SLC9A3: variants seen among roughly 807,000 people sequenced by gnomAD.
The protein encoded by SLC9A3 is solute carrier family 9 member A3, also known as sodium/hydrogen exchanger 3.
SLC9A3 carries 37 observed loss-of-function variants against 86.8 expected under a neutral mutation model. The observed-to-expected ratio is 0.43, with a 90% confidence interval of 0.33 to 0.56. The LOEUF (loss-of-function observed/expected upper bound fraction) is 0.56. SLC9A3 is among the 20% of genes least tolerant of loss of function. The pLI, the probability that SLC9A3 is intolerant of heterozygous loss-of-function variation, is 0.06. For missense variants in SLC9A3, 1,011 were observed against 1,171.9 expected (o/e 0.86, Z 2.00); for synonymous variants, 581 against 528.3 (o/e 1.10, Z -1.37).
Position 490,824 on chromosome 5 carries a change from C to G in SLC9A3, c.514+945G>C, listed in dbSNP as rs922676212. Among the ~76,000 whole-genome samples, 7 of 152,300 alleles carry G rather than the reference C, an allele frequency of 4.6e-5. No homozygotes were observed. The East Asian group carries it at 1.3e-3, about 29-fold the overall frequency. ...CCATCCATGAGCCTGTCTGTGCCCT[C>G]GGCAGCTTTCCCTGGGCTGCACCTG... is the stretch of plus-strand genomic sequence containing the variant. On this transcript the variant is annotated intron_variant, in intron 2 of 16. Transcript: ENST00000264938.
chr5:488,255 T>TGA, intron 3 of SLC9A3, 61 bp downstream of exon 3: 1 of 1,572,504 alleles, frequency 6.4e-7, no homozygotes, highest in Non-Finnish European at 8.7e-7. Context: ...CGATGGGGGG[T>TGA]GAGACGGGGC....
chr5:496,508 G>A lies in SLC9A3; in HGVS notation c.212-4437C>T, dbSNP rs192071714. Reference sequence around the variant, plus strand: ...ATTGACACGAGGTTCTTCGTAAGCTGGAAAATCCAGCCTTTGCTTATGTCT... The same window carrying A: ...ATTGACACGAGGTTCTTCGTAAGCTAGAAAATCCAGCCTTTGCTTATGTCT... On this transcript the variant is annotated intron_variant, in intron 1 of 16. Transcript: ENST00000264938. This position sits in a 1 kb window ranked among gnomAD's most constrained non-coding sequence, Gnocchi z 4.7. Among the ~76,000 whole-genome samples, 53 of 152,348 alleles carry A rather than the reference G, an allele frequency of 3.5e-4. 1 individual carries two copies. The East Asian group carries it at 9.3e-3, about 27-fold the overall frequency.
In SLC9A3 at chr5:472,277, C is replaced by T. The variant is rs1267260452; in HGVS notation, c.*1102G>A. 2.9e-6 allele frequency: 1 copy of T among 349,358 alleles called. No homozygotes were observed. The highest frequency in any genetic ancestry group is 5.6e-6 in the Non-Finnish European group (1 of 177,310). The allele number at this position is 349,358 out of a possible 1,614,324, so 21.6% of individuals were successfully genotyped here. A position where few individuals can be genotyped will look rare whatever the true frequency, so the allele number is the denominator to read the frequency against. On this transcript the variant is annotated 3_prime_UTR_variant, in exon 17 of 17. Transcript: ENST00000264938. ...GGAAGGGGTGGGAAGGGTCAGGGGTCCGGGGTCTAGGACAGGCTCAGGGGT... is the reference window on the plus strand; with the variant it reads ...GGAAGGGGTGGGAAGGGTCAGGGGTTCGGGGTCTAGGACAGGCTCAGGGGT...
chr5:501,075 T>C (rs1740256797), intron 1 of SLC9A3, among the ~76,000 whole-genome samples: 1 of 152,154 alleles, frequency 6.6e-6, no homozygotes, highest in Non-Finnish European at 1.5e-5. Flanking sequence ...AATGGCTTGG[T>C]GGCCTGATGG....
Position 491,740 on chromosome 5 carries a change from CG to C in SLC9A3, c.514+28del, listed in dbSNP as rs1416867377. 6 of 1,486,416 alleles carry C rather than the reference CG, an allele frequency of 4.0e-6. No individual in the cohort carries two copies. The highest frequency in any genetic ancestry group is 1.4e-5 in the African/African-American group (1 of 71,878). The allele number at this position is 1,486,416 out of a possible 1,614,324, so 92.1% of individuals were successfully genotyped here. ...CCCCTCCCGGACCCCACCCTGATCC[CG>C]GCCGGGGCAACAGTGGCGCAGACTC... On this transcript the variant is annotated intron_variant, in intron 2 of 16. Coordinates refer to ENST00000264938, the MANE Select transcript of SLC9A3 (RefSeq NM_004174.4). The surrounding 1 kb of genome is among the most constrained non-coding windows in gnomAD (Gnocchi z 9.2).
In SLC9A3 at chr5:473,160, G is replaced by GCAGGCCCCGCCCCCGGCC; in HGVS notation, c.*218_*219insGGCCGGGGGCGGGGCCTG. 1 of 404,106 alleles carries GCAGGCCCCGCCCCCGGCC rather than the reference G, an allele frequency of 2.5e-6. No homozygotes were observed. Among genetic ancestry groups the GCAGGCCCCGCCCCCGGCC allele is most frequent in the Non-Finnish European group, 4.0e-6 (1 of 253,076 alleles). 25.0% of individuals were successfully genotyped at this position (404,106 alleles called of 1,614,324 possible). ...TCGGCGCTCCGGCCCCGCCCCCGGC[G>GCAGGCCCCGCCCCCGGCC]CAGGCCCCGCCCCCGGCTCGCCCTC... On this transcript the variant is annotated 3_prime_UTR_variant, in exon 17 of 17. Transcript: ENST00000264938.
Position 491,899 on chromosome 5 carries a change from G to T in SLC9A3, c.384C>A (p.Gly128=). The T allele has an allele frequency of 1.2e-6, 2 of 1,611,496 alleles. No homozygotes were observed. The highest frequency in any genetic ancestry group is 1.7e-6 in the Non-Finnish European group (2 of 1,179,354). Residue 128 remains glycine, a synonymous_variant, in exon 2 of 17, where the codon GGC becomes GGA. Coordinates refer to ENST00000264938, the MANE Select transcript of SLC9A3 (RefSeq NM_004174.4). This position sits in a 1 kb window ranked among gnomAD's most constrained non-coding sequence, Gnocchi z 9.2. ...AGAAGAGGCGGTTGGGCATGAAGTA[G>T]CCGGCGTCCAGCACGATGGGGGGCA... The part of the protein sequence containing the change: ...YLLPPIVLDA[G]YFMPNRLFFG...
At chr5:499,654 G>A (rs769354134) in intron 1 of SLC9A3, among the ~76,000 whole-genome samples, 1 of 152,346 alleles carries the variant, frequency 6.6e-6, no homozygotes, top group African/African-American at 2.4e-5. Flanking sequence ...GCCTGATGCC[G>A]TCTGCAGCTC....
At position 474,032 on chromosome 5, in the gene SLC9A3, G is replaced by C. The variant is rs71597642; in HGVS notation, c.2502-650C>G. ...CAGAGACGCCAGAGTATCTCTGTCC[G>C]GGCTCCTGAGGGAGGTGCGGCCAGC... On this transcript the variant is annotated intron_variant, in intron 16 of 16. Transcript: ENST00000264938. Among the ~76,000 whole-genome samples, 934 of 152,366 alleles carry C rather than the reference G, an allele frequency of 6.1e-3. 7 individuals are homozygous for C. The highest frequency in any genetic ancestry group is 8.8e-3 in the Non-Finnish European group (598 of 68,034).
chr5:509,615 G>A (rs1391296608), intron 1 of SLC9A3, among the ~76,000 whole-genome samples: 10 of 152,158 alleles, frequency 6.6e-5, no homozygotes, highest in South Asian at 2.1e-4. Flanking sequence ...GGAGAACCGC[G>A]GACAGGCATC....
chr5:509,640 C>G (rs114401075), intron 1 of SLC9A3, among the ~76,000 whole-genome samples: 2,447 of 152,190 alleles, frequency 0.016, 67 homozygotes, highest in African/African-American at 0.053. Context: ...CAGCCATTCC[C>G]AAAACCAAGC....
In SLC9A3 at chr5:482,623, A is replaced by G. The variant is rs3777231; in HGVS notation, c.1281T>C (p.Asp427=). ...AVAFALVVLL[D]GDKVKEKNLF... ...GGTTCTTCTCCTTGACCTTGTCTCCATCCAGAAGCACCACCAGGGCAAAGG... is the reference window on the plus strand; with the variant it reads ...GGTTCTTCTCCTTGACCTTGTCTCCGTCCAGAAGCACCACCAGGGCAAAGG... The change falls in exon 7 of 17, where the codon GAT becomes GAC. Residue 427 remains aspartate, a synonymous_variant. Transcript: ENST00000264938. 0.017 allele frequency: 26,668 copies of G among 1,612,572 alleles called. 489 individuals are homozygous for G. Among genetic ancestry groups the G allele is most frequent in the East Asian group, 0.072 (3,235 of 44,808 alleles).
chr5:506,789 C>T (rs1227521780), intron 1 of SLC9A3, among the ~76,000 whole-genome samples: 4 of 151,872 alleles, frequency 2.6e-5, no homozygotes, highest in South Asian at 2.1e-4. Flanking sequence ...TATTGGGGGC[C>T]GGGCGCGGTG....
intron 1 of SLC9A3, among the ~76,000 whole-genome samples, chr5:499,858 G>A (rs2126638267): frequency 6.6e-6 from 1 of 152,374 alleles, no homozygotes; most frequent in South Asian, 2.1e-4. Flanking sequence ...CAGCCCCTCT[G>A]TAGGGGCCAC....
intron 1 of SLC9A3, among the ~76,000 whole-genome samples, chr5:513,098 G>T (rs932343818): frequency 6.6e-6 from 1 of 152,168 alleles, no homozygotes; most frequent in African/African-American, 2.4e-5. Context: ...TGGGCACCAG[G>T]AGGGTGAGGG....
chr5:489,929 T>G (rs897537043), intron 2 of SLC9A3, among the ~76,000 whole-genome samples: 1 of 152,240 alleles, frequency 6.6e-6, no homozygotes, highest in Non-Finnish European at 1.5e-5. Context: ...TGCAAGGGCC[T>G]CTGATGCCTG....
intron 11 of SLC9A3, 48 bp from the exon 12 acceptor site, chr5:476,720 T>A (rs1254418999): frequency 6.3e-7 from 1 of 1,590,878 alleles, no homozygotes; most frequent in Admixed American, 1.7e-5. Context: ...CAGGGTGGGG[T>A]CTCTTGCGCG....
chr5:504,155 C>T (rs903121043), intron 1 of SLC9A3, among the ~76,000 whole-genome samples: 1 of 152,244 alleles, frequency 6.6e-6, no homozygotes, highest in Non-Finnish European at 1.5e-5. Flanking sequence ...CAGAAGCTTC[C>T]AGCAAGGAGA....
At chr5:516,001 T>A (rs1579827312) in intron 1 of SLC9A3, among the ~76,000 whole-genome samples, 1 of 2,228 alleles carries the variant, frequency 4.5e-4, no homozygotes, top group Non-Finnish European at 7.5e-4. Context: ...CCCCTGCCCC[T>A]CACACACACA....
Sources: gnomAD v4.1 joint callset for allele counts (sites outside exome capture counted in the v4.1 genomes callset) on GRCh38, gnomAD v4.1.1 for gene constraint, Gnocchi (gnomAD v3.1) non-coding constraint, MANE v1.5 for transcripts, NCBI Gene and HGNC (gene_info 2026-07-23, HGNC 2026-07-21) for gene names.